The following SNTB2 variants were observed in gnomAD, a reference collection of about 807,000 sequenced individuals.
SNTB2 encodes the protein beta-2-syntrophin.
In SNTB2, 34 loss-of-function variants were observed where a neutral mutation model predicts 46.2. The observed-to-expected ratio is 0.74, with a 90% confidence interval of 0.56 to 0.98. The LOEUF (loss-of-function observed/expected upper bound fraction) is 0.98, where lower values mean the gene tolerates loss of function less well. Ranked by LOEUF, SNTB2 falls within the 50% of genes least tolerant of loss-of-function variation. The probability of loss-of-function intolerance (pLI) is 0.00; values close to 1 mark genes in which losing one functional copy is unlikely to be tolerated. For synonymous variants in SNTB2, 290 were observed against 312.6 expected, an observed-to-expected ratio of 0.93 and a Z score of 0.76; for missense variants, 603 against 731.4, an observed-to-expected ratio of 0.82 and a Z score of 2.02.
chr16:69,203,911 G>C (rs1964189403), intron 1 of SNTB2, among the ~76,000 whole-genome samples: 1 of 151,718 alleles, frequency 6.6e-6, no homozygotes, highest in African/African-American at 2.4e-5. Flanking sequence ...TATTATTTCT[G>C]AGATGGAGTA....
intron 1 of SNTB2, among the ~76,000 whole-genome samples, chr16:69,238,888 G>A (rs1457375916): frequency 1.3e-5 from 2 of 152,010 alleles, no homozygotes; most frequent in Non-Finnish European, 2.9e-5. Context: ...TTTCAACATA[G>A]TGGTCACTTG....
In SNTB2 at chr16:69,231,960, A is replaced by G. The variant is rs562965546; in HGVS notation, c.581-13642A>G. Among the ~76,000 whole-genome samples the G allele has an allele frequency of 1.2e-4, 19 of 152,304 alleles. No homozygotes were observed. The South Asian group carries it at 3.7e-3, about 30-fold the overall frequency. ...TTTATAAATGACCAAGAACTAGTTT[A>G]CCATATTAGATCAGTAGTTAAAGAA... is the stretch of plus-strand genomic sequence containing the variant. On this transcript the variant is annotated intron_variant, in intron 1 of 6. Transcript: ENST00000336278.
At chr16:69,281,571 C>T (rs1403954503) in intron 4 of SNTB2, among the ~76,000 whole-genome samples, 1 of 148,366 alleles carries the variant, frequency 6.7e-6, no homozygotes, top group Non-Finnish European at 1.5e-5. Context: ...CGATTCTTGG[C>T]TGGGCACGGT....
At chr16:69,211,120 T>C (rs1460615942) in intron 1 of SNTB2, among the ~76,000 whole-genome samples, 1 of 152,048 alleles carries the variant, frequency 6.6e-6, no homozygotes, top group Non-Finnish European at 1.5e-5. Flanking sequence ...ATTAAAAAAA[T>C]TAAATTTTTA....
intron 1 of SNTB2, among the ~76,000 whole-genome samples, chr16:69,203,058 G>T (rs544139496): frequency 6.6e-6 from 1 of 150,914 alleles, no homozygotes; most frequent in African/African-American, 2.4e-5. Flanking sequence ...CGCTCTTGTT[G>T]CCCAGGCTAG....
In SNTB2 at chr16:69,284,078, C is replaced by A; in HGVS notation, c.1179C>A (p.Ser393=). 1 of 1,613,164 alleles carries A rather than the reference C, an allele frequency of 6.2e-7. No individual in the cohort carries two copies. Among genetic ancestry groups the A allele is most frequent in the Non-Finnish European group, 8.5e-7 (1 of 1,179,562 alleles). The change falls in exon 5 of 7, where the codon TCC becomes TCA. Residue 393 remains serine (S), a synonymous_variant. Coordinates refer to ENST00000336278, the MANE Select transcript of SNTB2 (RefSeq NM_006750.4). ...TTCATTCTGGCTCCGGATGTCGATC[C>A]CCCTCCCTTGGATCTGACCTTACAT... ...RLVHSGSGCR[S]PSLGSDLTFA... is the part of the protein sequence containing the mutation.
intron 1 of SNTB2, among the ~76,000 whole-genome samples, chr16:69,204,836 T>C (rs574563641): frequency 6.6e-5 from 10 of 152,334 alleles, no homozygotes; most frequent in Non-Finnish European, 1.2e-4. Context: ...CAAATTACTT[T>C]TCTACTTAAA....
intron 2 of SNTB2, among the ~76,000 whole-genome samples, chr16:69,248,752 G>T (rs1397248507): frequency 6.6e-6 from 1 of 151,846 alleles, no homozygotes; most frequent in East Asian, 1.9e-4. Context: ...TTGAGGCCAG[G>T]AGTTTAAGAC....
Position 69,187,430 on chromosome 16 carries a change from C to A in SNTB2, c.264C>A (p.Ser88Arg). The change falls in exon 1 of 7, where the codon AGC becomes AGA. Residue 88 changes from serine (S) to arginine (R), a missense_variant. Transcript: ENST00000336278. ...GCGACTCGCTGCCCGGGAGCCCAAG[C>A]CGCGGCCTGGGGCCCCCGAGCCCGC... Reference protein sequence around the residue: ...GAGDSLPGSPSRGLGPPSPPA... With the variant: ...GAGDSLPGSPRRGLGPPSPPA... 1 of 1,191,632 alleles carries A rather than the reference C, an allele frequency of 8.4e-7. No homozygotes were observed. The highest frequency in any genetic ancestry group is 1.0e-6 in the Non-Finnish European group (1 of 964,128). The allele number at this position is 1,191,632 out of a possible 1,614,324, so 73.8% of individuals were successfully genotyped here. A position where few individuals can be genotyped will look rare whatever the true frequency, so the allele number is the denominator to read the frequency against.
chr16:69,304,705 C>T lies in SNTB2; in HGVS notation c.*3781C>T, dbSNP rs1355381780. 6.6e-6 allele frequency: 1 copy of T among 151,708 alleles called. No individual in the cohort carries two copies. Among genetic ancestry groups the T allele is most frequent in the South Asian group, 2.1e-4 (1 of 4,816 alleles). The allele number at this position is 151,708 out of a possible 1,614,324, so 9.4% of individuals were successfully genotyped here. On this transcript the variant is annotated 3_prime_UTR_variant, in exon 7 of 7. Transcript: ENST00000336278. ...TTGAGACAGGTTCTCACTCTGTCAC[C>T]GAGGTTGGAGTGCAGTGGTATGATC...
chr16:69,261,710 T>G (rs1964836365), intron 3 of SNTB2, among the ~76,000 whole-genome samples: 1 of 152,242 alleles, frequency 6.6e-6, no homozygotes, highest in African/African-American at 2.4e-5. Flanking sequence ...GTAATTGTTC[T>G]GTGCTTTTGG....
intron 5 of SNTB2, among the ~76,000 whole-genome samples, chr16:69,298,678 T>C (rs1478014848): frequency 6.6e-6 from 1 of 151,682 alleles, no homozygotes; most frequent in Non-Finnish European, 1.5e-5. Context: ...TGTGCCACCA[T>C]GGCTGGCTAA....
intron 4 of SNTB2, among the ~76,000 whole-genome samples, chr16:69,282,841 A>G (rs1400632296): frequency 2.6e-5 from 4 of 152,180 alleles, no homozygotes; most frequent in Non-Finnish European, 5.9e-5. Context: ...ATTTCATTTT[A>G]TGGTAACTGA....
intron 1 of SNTB2, among the ~76,000 whole-genome samples, chr16:69,219,839 C>T (rs1691383061): frequency 6.6e-6 from 1 of 152,062 alleles, no homozygotes; most frequent in Admixed American, 6.6e-5. Context: ...CAACCTCCGA[C>T]TCCCTGGTTT....
chr16:69,228,194 T>C (rs769128518), intron 1 of SNTB2, among the ~76,000 whole-genome samples: 1 of 152,098 alleles, frequency 6.6e-6, no homozygotes, highest in Non-Finnish European at 1.5e-5. Context: ...AAGTTAGTAT[T>C]AGGTTTAGTA....
In SNTB2 at chr16:69,245,985, A is replaced by G. The variant is rs199591424; in HGVS notation, c.794+170A>G. ...TAAGTTATTCTACATATATACATGT[A>G]TATGTGTAGAAAAAATTTTGAACAG... is the stretch of plus-strand genomic sequence containing the variant. On this transcript the variant is annotated intron_variant, in intron 2 of 6. Transcript: ENST00000336278. 1.6e-3 allele frequency among the ~76,000 whole-genome samples: 245 copies of G among 152,274 alleles called. 1 individual carries two copies. Among genetic ancestry groups the G allele is most frequent in the Non-Finnish European group, 2.6e-3 (180 of 68,008 alleles).
chr16:69,263,407 G>T (rs1964855050), intron 3 of SNTB2, among the ~76,000 whole-genome samples: 1 of 151,064 alleles, frequency 6.6e-6, no homozygotes, highest in Non-Finnish European at 1.5e-5. Flanking sequence ...ACTGTGCCCA[G>T]CCTGGGTATG....
chr16:69,187,679 G>T lies in SNTB2; in HGVS notation c.513G>T (p.Leu171=). The stretch of plus-strand genomic sequence containing the variant: ...TCCTGTCGGTGAACGGCACCGACCT[G>T]CGCCAGGCCACCCACGACCAGGCCG... ...DAILSVNGTD[L]RQATHDQAVQ... is the part of the protein sequence containing the mutation. Residue 171 remains leucine, a synonymous_variant, in exon 1 of 7, where the codon CTG becomes CTT. Coordinates refer to ENST00000336278, the MANE Select transcript of SNTB2 (RefSeq NM_006750.4). 1 of 1,541,162 alleles carries T rather than the reference G, an allele frequency of 6.5e-7. No individual in the cohort carries two copies. The highest frequency in any genetic ancestry group is 1.4e-5 in the African/African-American group (1 of 70,114).
At chr16:69,287,596 T>A (rs1965116662) in intron 5 of SNTB2, among the ~76,000 whole-genome samples, 1 of 152,088 alleles carries the variant, frequency 6.6e-6, no homozygotes, top group Non-Finnish European at 1.5e-5. Flanking sequence ...AAGCGGTTGC[T>A]TATGCCTGTA....
Sources: allele counts gnomAD v4.1 joint callset (sites outside exome capture counted in the v4.1 genomes callset), GRCh38; gene constraint gnomAD v4.1.1; transcripts MANE v1.5; gene names NCBI Gene and HGNC (gene_info 2026-07-23, HGNC 2026-07-21).